ADCY9: variants seen among roughly 807,000 people sequenced by gnomAD.
The protein encoded by ADCY9 is adenylate cyclase 9, also known as adenylate cyclase type 9.
ADCY9 carries 50 observed loss-of-function variants against 101.5 expected under a neutral mutation model. The ratio of observed to expected loss-of-function variants is 0.49; its 90% confidence interval spans 0.39 to 0.62. The LOEUF (loss-of-function observed/expected upper bound fraction) is 0.62, where lower values mean the gene tolerates loss of function less well. Ranked by LOEUF, ADCY9 falls within the 20% of genes least tolerant of loss-of-function variation. The pLI, the probability that ADCY9 is intolerant of heterozygous loss-of-function variation, is 0.00. For synonymous variants in ADCY9, 905 were observed against 769.3 expected, an observed-to-expected ratio of 1.18 and a Z score of -2.92; for missense variants, 1,662 against 1,800.4, an observed-to-expected ratio of 0.92 and a Z score of 1.39.
rs182620290 is a variant in ADCY9, at chr16:3,990,139, G to C, written c.2208-1043C>G. Among the ~76,000 whole-genome samples the C allele has an allele frequency of 2.6e-5, 4 of 152,276 alleles. No homozygotes were observed. The East Asian group carries it at 5.8e-4, about 22-fold the overall frequency. ...TCAGAAAGCAAATATAGCTGTGTTA[G>C]CCTCTCTCCCTCATACAGTGACTAT... On this transcript the variant is annotated intron_variant, in intron 5 of 10. Coordinates refer to ENST00000294016, the MANE Select transcript of ADCY9 (RefSeq NM_001116.4).
downstream of ADCY9, among the ~76,000 whole-genome samples, chr16:3,959,113 C>T (rs868111830): frequency 1.2e-3 from 183 of 152,220 alleles, 1 homozygote; most frequent in African/African-American, 4.3e-3. Flanking sequence ...GTAATCCCAG[C>T]ACTTTGGGAG....
Position 3,966,846 on chromosome 16 carries a change from A to G in ADCY9, c.2991T>C (p.Asn997=), listed in dbSNP as rs1217313765. 6.2e-7 allele frequency: 1 copy of G among 1,614,170 alleles called. No individual in the cohort carries two copies. Among genetic ancestry groups the G allele is most frequent in the East Asian group, 2.2e-5 (1 of 44,882 alleles). The change falls in exon 11 of 11, where the codon AAT becomes AAC. Residue 997 remains asparagine (N), a synonymous_variant. Coordinates refer to ENST00000294016, the MANE Select transcript of ADCY9 (RefSeq NM_001116.4). ...GGCGGTAGCTGACTTCAAATTCGCG[A>G]TTCAGGAACCAGACCAACAAGAGCA... ...FLLLLLVWFL[N]REFEVSYRLH...
intron 2 of ADCY9, among the ~76,000 whole-genome samples, chr16:4,032,391 C>T (rs1351574156): frequency 2.0e-5 from 3 of 152,110 alleles, no homozygotes; most frequent in Non-Finnish European, 2.9e-5. Context: ...GAGGGCAGGA[C>T]GGCTGCTGGG....
intron 2 of ADCY9, among the ~76,000 whole-genome samples, chr16:4,113,270 A>G (rs915511862): frequency 2.0e-5 from 3 of 152,126 alleles, no homozygotes; most frequent in Non-Finnish European, 4.4e-5. Context: ...CCGACTTCCT[A>G]TCCCTATTTT....
rs558058878 is a variant in ADCY9, at chr16:4,068,744, G to C, written c.1693+45006C>G. Among the ~76,000 whole-genome samples the C allele has an allele frequency of 2.3e-4, 35 of 151,722 alleles. No homozygotes were observed. In the East Asian group the frequency reaches 5.2e-3, roughly 23 times the overall value. The stretch of plus-strand genomic sequence containing the variant: ...AGGCAGGAGAATGGTGTGAACCCAG[G>C]AGGCGGAGCTTGCAGTGAGCCAAGA... On this transcript the variant is annotated intron_variant, in intron 2 of 10. Coordinates refer to ENST00000294016, the MANE Select transcript of ADCY9 (RefSeq NM_001116.4).
intron 2 of ADCY9, among the ~76,000 whole-genome samples, chr16:4,108,241 G>A (rs1368976598): frequency 1.3e-5 from 2 of 151,774 alleles, no homozygotes; most frequent in African/African-American, 2.4e-5. Flanking sequence ...GAGATAACAC[G>A]TCTCACCATT....
At chr16:4,102,575 G>T (rs2057050366) in intron 2 of ADCY9, among the ~76,000 whole-genome samples, 1 of 152,100 alleles carries the variant, frequency 6.6e-6, no homozygotes, top group Non-Finnish European at 1.5e-5. Flanking sequence ...ACAGGCATGT[G>T]CCACCATGCC....
intron 9 of ADCY9, among the ~76,000 whole-genome samples, chr16:3,976,103 T>G (rs2056090514): frequency 6.6e-6 from 1 of 152,152 alleles, no homozygotes. Flanking sequence ...CCAATTCTCC[T>G]GCCTCAGCCT....
intron 2 of ADCY9, among the ~76,000 whole-genome samples, chr16:4,089,221 C>G (rs1297677805): frequency 6.6e-6 from 1 of 152,006 alleles, no homozygotes; most frequent in East Asian, 1.9e-4. Flanking sequence ...ACCACAGGTG[C>G]ATGCCACCAT....
At chr16:3,995,121 T>TG (rs1267617085) in intron 3 of ADCY9, among the ~76,000 whole-genome samples, 1 of 151,916 alleles carries the variant, frequency 6.6e-6, no homozygotes, top group African/African-American at 2.4e-5. Flanking sequence ...AAACAAAGAG[T>TG]GAAGATATGT....
At chr16:3,969,116 G>A (rs879511844) in intron 10 of ADCY9, among the ~76,000 whole-genome samples, 1 of 149,862 alleles carries the variant, frequency 6.7e-6, no homozygotes, top group African/African-American at 2.5e-5. Context: ...GAGCCACCGC[G>A]CCCAGTCTCT....
At chr16:4,111,828 A>G (rs1427891907) in intron 2 of ADCY9, among the ~76,000 whole-genome samples, 2 of 147,610 alleles carry the variant, frequency 1.4e-5, no homozygotes, top group African/African-American at 2.4e-5. Context: ...TTAAAAAAAA[A>G]AAAACACAAA....
At chr16:4,056,348 G>A (rs1005894211) in intron 2 of ADCY9, among the ~76,000 whole-genome samples, 1 of 152,136 alleles carries the variant, frequency 6.6e-6, no homozygotes, top group African/African-American at 2.4e-5. Flanking sequence ...TCCGCTCCCG[G>A]GCTCCAGGGA....
In ADCY9 at chr16:4,113,747, T is replaced by C. The variant is rs762298325; in HGVS notation, c.1693+3A>G. The C allele has an allele frequency of 6.2e-7, 1 of 1,610,200 alleles. No homozygotes were observed. The highest frequency in any genetic ancestry group is 1.3e-5 in the African/African-American group (1 of 74,872). On this transcript the variant is annotated splice_donor_region_variant and intron_variant, in intron 2 of 10. Coordinates refer to ENST00000294016, the MANE Select transcript of ADCY9 (RefSeq NM_001116.4). ...GGATGCCGAGGTAAAGCAGTGCACA[T>C]ACCTTTCAACTGGTCAGCAACCACG...
intron 10 of ADCY9, among the ~76,000 whole-genome samples, chr16:3,973,076 T>C (rs2056066374): frequency 6.6e-6 from 1 of 152,208 alleles, no homozygotes; most frequent in Non-Finnish European, 1.5e-5. Context: ...ACATATATAG[T>C]TTCACCTAGT....
At chr16:4,043,453 C>T (rs868075080) in intron 2 of ADCY9, among the ~76,000 whole-genome samples, 6 of 152,028 alleles carry the variant, frequency 3.9e-5, no homozygotes, top group African/African-American at 1.4e-4. Flanking sequence ...GCAGGAGGAT[C>T]ACTTGAGGTC....
At chr16:4,024,242 C>T (rs1597172790) in intron 2 of ADCY9, among the ~76,000 whole-genome samples, 1 of 152,028 alleles carries the variant, frequency 6.6e-6, no homozygotes, top group East Asian at 1.9e-4. Context: ...AGGCTCGTCT[C>T]AAAGTCCTGA....
At chr16:4,090,581 C>T (rs2056967214) in intron 2 of ADCY9, among the ~76,000 whole-genome samples, 1 of 152,056 alleles carries the variant, frequency 6.6e-6, no homozygotes, top group African/African-American at 2.4e-5. Context: ...AGGCAGAGTC[C>T]TGGCTGGGCA....
In ADCY9 at chr16:4,114,588, C is replaced by T. The variant is rs760769257; in HGVS notation, c.855G>A (p.Gly285=). 2.5e-6 allele frequency: 4 copies of T among 1,613,806 alleles called. No homozygotes were observed. In the African/African-American group the frequency reaches 4.0e-5, roughly 16 times the overall value. ...TGGCGTGGATGCAGCCGTGGAGCAG[C>T]CCCCTGCTCAGCAGCTCCCAGTGCA... ...GALHWELLSR[G]LLHGCIHAIG... The change falls in exon 2 of 11, where the codon GGG becomes GGA. Residue 285 remains glycine (G), a synonymous_variant. Transcript: ENST00000294016. The surrounding 1 kb of genome is among the most constrained non-coding windows in gnomAD (Gnocchi z 4.3).
Sources: allele counts gnomAD v4.1 joint callset (sites outside exome capture counted in the v4.1 genomes callset), GRCh38; gene constraint gnomAD v4.1.1; non-coding constraint Gnocchi (gnomAD v3.1); transcripts MANE v1.5; gene names NCBI Gene and HGNC (gene_info 2026-07-23, HGNC 2026-07-21).